Variants in PTPN13 observed in about 807,000 individuals in gnomAD.
PTPN13 encodes protein tyrosine phosphatase non-receptor type 13.
Under a neutral mutation model 284.0 loss-of-function variants are expected in PTPN13, and 191 were observed. That is an observed-to-expected ratio of 0.67 (90% confidence interval 0.60 to 0.76). PTPN13 has a LOEUF of 0.76. Among genes scored for constraint, PTPN13 ranks in the 30% least tolerant of loss-of-function variants. The pLI is 0.00. For missense variants in PTPN13, 2,797 were observed against 2,939.9 expected, an observed-to-expected ratio of 0.95 and a Z score of 1.12; for synonymous variants, 986 against 1,022.3, an observed-to-expected ratio of 0.96 and a Z score of 0.68.
At chr4:86,796,570 A>G (rs1241039264) in intron 40 of PTPN13, among the ~76,000 whole-genome samples, 1 of 152,150 alleles carries the variant, frequency 6.6e-6, no homozygotes. Context: ...TGAGCCCAAG[A>G]GTTTGAGGTT....
Position 86,771,664 on chromosome 4 carries a change from ACT to A in PTPN13, c.5168+132_5168+133del, listed in dbSNP as rs1400079928. On this transcript the variant is annotated intron_variant, in intron 31 of 47. Coordinates refer to ENST00000411767, the MANE Select transcript of PTPN13 (RefSeq NM_080683.3). The stretch of plus-strand genomic sequence containing the variant: ...CTTCACAGTGGTTAGGCAGAGGATG[ACT>A]CTATTGGATGTCTAGCTATTGTGAC... 9 of 1,005,894 alleles carry A rather than the reference ACT, an allele frequency of 8.9e-6. No individual in the cohort carries two copies. In the East Asian group the frequency reaches 2.1e-4, roughly 24 times the overall value. The allele number at this position is 1,005,894 out of a possible 1,614,324, so 62.3% of individuals were successfully genotyped here.
At chr4:86,625,092 T>C (rs1218666149) in intron 1 of PTPN13, among the ~76,000 whole-genome samples, 3 of 152,140 alleles carry the variant, frequency 2.0e-5, no homozygotes, top group Admixed American at 6.6e-5. Flanking sequence ...TCCCTTTGAC[T>C]TCAGCAGACC....
intron 20 of PTPN13, among the ~76,000 whole-genome samples, chr4:86,757,097 T>A (rs1406713571): frequency 1.3e-5 from 2 of 152,202 alleles, no homozygotes; most frequent in African/African-American, 4.8e-5. Context: ...AATGCTTGAA[T>A]TGCGAAGTAG....
At chr4:86,638,434 C>T (rs1381359954) in intron 2 of PTPN13, among the ~76,000 whole-genome samples, 2 of 152,170 alleles carry the variant, frequency 1.3e-5, no homozygotes, top group Non-Finnish European at 2.9e-5. Flanking sequence ...AACTATACTA[C>T]AAGGCTACAG....
At chr4:86,742,303 G>GTA (rs929376879) in intron 16 of PTPN13, among the ~76,000 whole-genome samples, 7 of 152,102 alleles carry the variant, frequency 4.6e-5, no homozygotes, top group African/African-American at 1.7e-4. Context: ...GATTTTTAGT[G>GTA]TACAGCTCTC....
chr4:86,798,451 G>T (rs1743609932), intron 41 of PTPN13, among the ~76,000 whole-genome samples: 1 of 152,146 alleles, frequency 6.6e-6, no homozygotes, highest in Non-Finnish European at 1.5e-5. Flanking sequence ...ACTCTGCTTT[G>T]TTCCCCCTGA....
At chr4:86,612,704 G>T (rs866922055) in intron 1 of PTPN13, among the ~76,000 whole-genome samples, 1 of 152,112 alleles carries the variant, frequency 6.6e-6, no homozygotes, top group Non-Finnish European at 1.5e-5. Context: ...AAAGAAAAAG[G>T]CAAGCGAGCA....
intron 2 of PTPN13, among the ~76,000 whole-genome samples, chr4:86,636,180 GA>G (rs987297465): frequency 7.9e-5 from 12 of 151,950 alleles, no homozygotes; most frequent in East Asian, 5.8e-4. Flanking sequence ...AGAGGGAGGG[GA>G]AAAAAATCTG....
chr4:86,781,254 ATTTG>A (rs1741266231), intron 36 of PTPN13, among the ~76,000 whole-genome samples: 1 of 151,946 alleles, frequency 6.6e-6, no homozygotes, highest in African/African-American at 2.4e-5. Flanking sequence ...ATTTACCTAT[ATTTG>A]TTTCTTTCTT....
At chr4:86,613,721 G>A (rs977711505) in intron 1 of PTPN13, among the ~76,000 whole-genome samples, 2 of 151,750 alleles carry the variant, frequency 1.3e-5, no homozygotes, top group Non-Finnish European at 1.5e-5. Context: ...TCAACCTTGC[G>A]AGCAAGCCTG....
intron 2 of PTPN13, chr4:86,661,012 A>G (rs993190228): frequency 1.7e-5 from 7 of 400,784 alleles, no homozygotes; most frequent in African/African-American, 1.1e-4. Context: ...TTGTTGAGGT[A>G]TAACATATAT....
chr4:86,752,207 C>A (rs1027350189), intron 19 of PTPN13, among the ~76,000 whole-genome samples: 3 of 152,154 alleles, frequency 2.0e-5, no homozygotes, highest in Non-Finnish European at 1.5e-5. Flanking sequence ...TACTACTAAA[C>A]TCTCTTCTTA....
At chr4:86,752,737 T>C (rs17012052) in intron 19 of PTPN13, among the ~76,000 whole-genome samples, 7,038 of 152,220 alleles carry the variant, frequency 0.046, 540 homozygotes, top group African/African-American at 0.16. Flanking sequence ...AATGAAAAAC[T>C]CATTCCAGTT....
intron 1 of PTPN13, among the ~76,000 whole-genome samples, chr4:86,624,660 C>G (rs760445454): frequency 1.8e-4 from 28 of 152,152 alleles, no homozygotes; most frequent in Admixed American, 7.2e-4. Flanking sequence ...AGGGTTAAAG[C>G]TTTATCCAAA....
intron 40 of PTPN13, among the ~76,000 whole-genome samples, chr4:86,794,710 A>G (rs1391206938): frequency 1.3e-5 from 2 of 152,172 alleles, no homozygotes; most frequent in African/African-American, 4.8e-5. Context: ...ATAAAGACCA[A>G]TGGAACAGAA....
At chr4:86,812,067 T>C (rs779536234) in intron 47 of PTPN13, among the ~76,000 whole-genome samples, 1 of 152,018 alleles carries the variant, frequency 6.6e-6, no homozygotes. Context: ...TCCCAGCACT[T>C]TGGGAGGCCG....
chr4:86,633,847 C>CT (rs1722726864), intron 1 of PTPN13, among the ~76,000 whole-genome samples: 1 of 152,116 alleles, frequency 6.6e-6, no homozygotes, highest in African/African-American at 2.4e-5. Context: ...CAATGAGAAC[C>CT]TAGAGACTTT....
At chr4:86,640,988 G>T (rs1052905261) in intron 2 of PTPN13, among the ~76,000 whole-genome samples, 6 of 152,098 alleles carry the variant, frequency 3.9e-5, no homozygotes, top group Admixed American at 3.3e-4. Flanking sequence ...CAATTGTTAT[G>T]ATTGCTAATT....
In PTPN13 at chr4:86,613,633, C is replaced by CAAAAAAAAAAAAAAA. The variant is rs544971012; in HGVS notation, c.-6+18848_-6+18862dup. 2.0e-4 allele frequency among the ~76,000 whole-genome samples: 12 copies of CAAAAAAAAAAAAAAA among 61,530 alleles called. 1 individual carries two copies. Among genetic ancestry groups the CAAAAAAAAAAAAAAA allele is most frequent in the African/African-American group, 4.6e-4 (8 of 17,332 alleles). 40.4% of individuals were successfully genotyped at this position (61,530 alleles called of 152,430 possible). On this transcript the variant is annotated intron_variant, in intron 1 of 47. Transcript: ENST00000411767. ...TGGGCGACAAGGTGAGACTCCGTCT[C>CAAAAAAAAAAAAAAA]AAAAAAAAAAAAAAAAAAGAGTTTG...
Sources: allele counts gnomAD v4.1 joint callset (sites outside exome capture counted in the v4.1 genomes callset), GRCh38; gene constraint gnomAD v4.1.1; transcripts MANE v1.5; gene names NCBI Gene and HGNC (gene_info 2026-07-23, HGNC 2026-07-21).